Variants in CDH19 observed in about 807,000 individuals in gnomAD.
CDH19 encodes the protein cadherin-19.
A neutral mutation model predicts 64.2 loss-of-function variants in CDH19; 67 were observed. The ratio of observed to expected loss-of-function variants is 1.04; its 90% CI spans 0.86 to 1.28. CDH19 has a LOEUF of 1.28. Among genes scored for constraint, CDH19 ranks in the 50% most tolerant of loss-of-function variants. The probability of loss-of-function intolerance (pLI) is 0.00; values close to 1 mark genes in which losing one functional copy is unlikely to be tolerated. For missense variants in CDH19, 1,030 were observed against 929.0 expected (o/e 1.11, Z -1.41); for synonymous variants, 346 against 319.3 (o/e 1.08, Z -0.89).
At chr18:66,582,405 A>C (rs1188162464) in intron 1 of CDH19, among the ~76,000 whole-genome samples, 1 of 152,052 alleles carries the variant, frequency 6.6e-6, no homozygotes, top group African/African-American at 2.4e-5. Context: ...ATGCATAAAA[A>C]GACTTTGAAA....
At chr18:66,574,566 TA>T (rs1169738025) in intron 1 of CDH19, among the ~76,000 whole-genome samples, 2 of 151,564 alleles carry the variant, frequency 1.3e-5, no homozygotes, top group African/African-American at 4.8e-5. Flanking sequence ...AGAAACAAGT[TA>T]AAAAATTAAA....
intron 9 of CDH19, among the ~76,000 whole-genome samples, chr18:66,522,818 T>C (rs1986054779): frequency 6.6e-6 from 1 of 151,874 alleles, no homozygotes; most frequent in Non-Finnish European, 1.5e-5. Context: ...CAACTTTCTA[T>C]AGGGATATCT....
At chr18:66,559,418 T>C (rs1412695417) in intron 3 of CDH19, among the ~76,000 whole-genome samples, 11 of 151,848 alleles carry the variant, frequency 7.2e-5, no homozygotes. Flanking sequence ...TGTTTTTCTG[T>C]CACTATTATT....
chr18:66,516,860 G>A (rs1040570994), intron 9 of CDH19, among the ~76,000 whole-genome samples: 1 of 152,036 alleles, frequency 6.6e-6, no homozygotes, highest in Non-Finnish European at 1.5e-5. Context: ...ATGATAGAGA[G>A]AAATTGATAC....
chr18:66,508,911 T>A (rs1598964664), intron 11 of CDH19, 84 bp downstream of exon 11: 12 of 1,366,866 alleles, frequency 8.8e-6, no homozygotes, highest in Non-Finnish European at 1.2e-5. Context: ...TTATTTTAAA[T>A]AAATGAGTAT....
chr18:66,566,361 T>A (rs1037581606), intron 3 of CDH19, among the ~76,000 whole-genome samples: 1 of 151,100 alleles, frequency 6.6e-6, no homozygotes, highest in Non-Finnish European at 1.5e-5. Flanking sequence ...TTCTCTGGAA[T>A]CATTCCCCAT....
At chr18:66,541,543 T>TA (rs1986886506) in intron 7 of CDH19, among the ~76,000 whole-genome samples, 1 of 152,118 alleles carries the variant, frequency 6.6e-6, no homozygotes, top group Admixed American at 6.6e-5. Flanking sequence ...GGTATTTTCA[T>TA]AAGCAACTGA....
intron 9 of CDH19, among the ~76,000 whole-genome samples, chr18:66,522,641 A>G (rs548507278): frequency 2.5e-4 from 37 of 149,694 alleles, no homozygotes; most frequent in African/African-American, 9.1e-4. Flanking sequence ...TCTTTTAAAT[A>G]TAATATGTTT....
rs556224842 is a variant in CDH19 at position 66,548,962 on chromosome 18, A to C, written c.775+2132T>G. Reference sequence around the variant, plus strand: ...CACACAAGGGAGAGGGATGTTTGAGAGATGCCTTTAATTGGGAGGGTAGGA... The same window carrying C: ...CACACAAGGGAGAGGGATGTTTGAGCGATGCCTTTAATTGGGAGGGTAGGA... On this transcript the variant is annotated intron_variant, in intron 5 of 11. Coordinates refer to ENST00000262150, the MANE Select transcript of CDH19 (RefSeq NM_021153.4). Among the ~76,000 whole-genome samples, 14 of 152,220 alleles carry C rather than the reference A, an allele frequency of 9.2e-5. No individual in the cohort carries two copies. In the East Asian group the frequency reaches 2.1e-3, roughly 23 times the overall value.
chr18:66,532,328 G>A (rs776273730), intron 8 of CDH19: 3 of 153,836 alleles, frequency 2.0e-5, no homozygotes, highest in Non-Finnish European at 2.9e-5. Flanking sequence ...AAGGGTATAG[G>A]AGTGGGATTC....
chr18:66,508,508 C>T (rs1436993504), intron 11 of CDH19, among the ~76,000 whole-genome samples: 2 of 151,560 alleles, frequency 1.3e-5, no homozygotes, highest in African/African-American at 4.8e-5. Flanking sequence ...CTGTGTGACC[C>T]TTCATAAAGC....
intron 3 of CDH19, among the ~76,000 whole-genome samples, chr18:66,559,804 C>T (rs1375510433): frequency 6.6e-6 from 1 of 151,128 alleles, no homozygotes. Flanking sequence ...CTCTGCAAAA[C>T]AACTAAAGAT....
chr18:66,599,562 C>T (rs999045038), intron 1 of CDH19, among the ~76,000 whole-genome samples: 2 of 151,974 alleles, frequency 1.3e-5, no homozygotes, highest in Non-Finnish European at 2.9e-5. Flanking sequence ...ATGTTCTCAC[C>T]ACAAAAAATG....
intron 3 of CDH19, among the ~76,000 whole-genome samples, chr18:66,560,060 A>T (rs1308241901): frequency 6.6e-6 from 1 of 151,656 alleles, no homozygotes; most frequent in Non-Finnish European, 1.5e-5. Context: ...TTTGAGAGGA[A>T]GTCTCACTCT....
At chr18:66,505,586 G>A (rs929042322) in intron 11 of CDH19, among the ~76,000 whole-genome samples, 3 of 146,762 alleles carry the variant, frequency 2.0e-5, no homozygotes, top group East Asian at 4.0e-4. Context: ...AATATATATA[G>A]TGAACTATAT....
rs748196865 is a variant in CDH19 at position 66,509,060 on chromosome 18, AC to A, written c.1762del (p.Val588CysfsTer19). On this transcript the variant is annotated frameshift_variant, in exon 11 of 12. Transcript: ENST00000262150. LOFTEE classifies it high-confidence loss of function. ...TTCTGTCTTGAATCCCATGGAAAGCACAAGCTCCTGGTACTGGCAGGTCTGT... is the reference window on the plus strand; with the variant it reads ...TTCTGTCTTGAATCCCATGGAAAGCAAAGCTCCTGGTACTGGCAGGTCTGT... ...STQTCQYQEL[V>X]LSMGFKTEVI... The A allele has an allele frequency of 1.8e-5, 29 of 1,612,852 alleles. No homozygotes were observed. Among genetic ancestry groups the A allele is most frequent in the Non-Finnish European group, 2.4e-5 (28 of 1,179,318 alleles).
At chr18:66,535,702 A>T (rs1986637527) in intron 7 of CDH19, among the ~76,000 whole-genome samples, 1 of 146,984 alleles carries the variant, frequency 6.8e-6, no homozygotes, top group South Asian at 2.1e-4. Context: ...ATTTTATTAC[A>T]TATATAACAT....
rs367564105 is a variant in CDH19, at chr18:66,551,164, C to T, written c.705G>A (p.Ala235=). The T allele has an allele frequency of 1.2e-5, 19 of 1,607,184 alleles. No homozygotes were observed. Among genetic ancestry groups the T allele is most frequent in the East Asian group, 4.5e-5 (2 of 44,742 alleles). Residue 235 remains alanine (A), a synonymous_variant, in exon 5 of 12, where the codon GCG becomes GCA. Transcript: ENST00000262150. ...TTAATACACTTGTTGTTCCAGACAA[C>T]GCTCCTGGCTGACCAATCATGTCCT... is the stretch of plus-strand genomic sequence containing the variant. ...QAKDMIGQPG[A]LSGTTSVLIK... is the part of the protein sequence containing the mutation.
intron 7 of CDH19, among the ~76,000 whole-genome samples, chr18:66,538,931 C>A (rs1419999175): frequency 6.6e-6 from 1 of 152,016 alleles, no homozygotes; most frequent in African/African-American, 2.4e-5. Context: ...CAGGTATGAC[C>A]TTATCTTAAC....
Sources: gnomAD v4.1 joint callset for allele counts (sites outside exome capture counted in the v4.1 genomes callset) on GRCh38, gnomAD v4.1.1 for gene constraint, MANE v1.5 for transcripts, NCBI Gene and HGNC (gene_info 2026-07-23, HGNC 2026-07-21) for gene names.